The following HNRNPF variants were observed in gnomAD, a reference collection of about 807,000 sequenced individuals.
The protein encoded by HNRNPF is HnRNP F protein.
HNRNPF carries 2 observed loss-of-function variants against 26.0 expected under a neutral mutation model. That is an observed-to-expected ratio of 0.08 (90% confidence interval 0.03 to 0.24). HNRNPF has a LOEUF of 0.24. Ranked by LOEUF, HNRNPF falls within the 10% of genes least tolerant of loss-of-function variation. The probability of loss-of-function intolerance (pLI) is 1.00; values close to 1 mark genes in which losing one functional copy is unlikely to be tolerated. For missense variants in HNRNPF, 299 were observed against 539.2 expected, an observed-to-expected ratio of 0.55 and a Z score of 4.41; for synonymous variants, 234 against 211.5, an observed-to-expected ratio of 1.11 and a Z score of -0.92.
At chr10:43,408,500 GC>G (rs1428490181) in intron 1 of HNRNPF, among the ~76,000 whole-genome samples, 1 of 152,154 alleles carries the variant, frequency 6.6e-6, no homozygotes, top group Non-Finnish European at 1.5e-5. Context: ...CAGGTTTGCG[GC>G]GCTTAAACTC....
At chr10:43,402,435 G>C (rs1473168574) in intron 1 of HNRNPF, among the ~76,000 whole-genome samples, 1 of 152,052 alleles carries the variant, frequency 6.6e-6, no homozygotes, top group Non-Finnish European at 1.5e-5. Context: ...TCTCCTTCTG[G>C]AATTCCTACT....
At chr10:43,401,818 A>G (rs1256288989) in intron 1 of HNRNPF, among the ~76,000 whole-genome samples, 1 of 152,142 alleles carries the variant, frequency 6.6e-6, no homozygotes, top group Non-Finnish European at 1.5e-5. Context: ...TGGGATGGGA[A>G]TTCTTCCTGA....
chr10:43,395,911 AG>A (rs1255930111), intron 2 of HNRNPF, among the ~76,000 whole-genome samples: 4 of 152,204 alleles, frequency 2.6e-5, no homozygotes, highest in Admixed American at 1.3e-4. Flanking sequence ...ACGCACGCAG[AG>A]GAAGAGTCTG....
At chr10:43,395,102 C>A (rs1005893809) in intron 2 of HNRNPF, among the ~76,000 whole-genome samples, 1 of 151,380 alleles carries the variant, frequency 6.6e-6, no homozygotes, top group Non-Finnish European at 1.5e-5. Flanking sequence ...ACACTGAGGA[C>A]CCTAAGTGCT....
Position 43,404,704 on chromosome 10 carries a change from C to CA in HNRNPF, c.-247+4426_-247+4427insT, listed in dbSNP as rs564303799. ...GATACTCCGTCTCTACTAAAAATAC[C>CA]CCTGTAATCCCAGTTACTCAGGAGG... On this transcript the variant is annotated intron_variant, in intron 1 of 3. Coordinates refer to ENST00000682386, the MANE Select transcript of HNRNPF (RefSeq NM_001098204.2). Among the ~76,000 whole-genome samples the CA allele has an allele frequency of 1.8e-3, 278 of 151,794 alleles. 1 individual carries two copies. Among genetic ancestry groups the CA allele is most frequent in the South Asian group, 5.2e-3 (25 of 4,796 alleles).
chr10:43,407,268 C>T (rs992744638), intron 1 of HNRNPF, among the ~76,000 whole-genome samples: 3 of 151,576 alleles, frequency 2.0e-5, no homozygotes, highest in African/African-American at 7.2e-5. Flanking sequence ...CAGCCGCCAG[C>T]GCGCGCCTCG....
At chr10:43,395,915 A>C (rs551184889) in intron 2 of HNRNPF, among the ~76,000 whole-genome samples, 3 of 152,154 alleles carry the variant, frequency 2.0e-5, no homozygotes, top group Admixed American at 2.0e-4. Flanking sequence ...ACGCAGAGGA[A>C]GAGTCTGGTC....
chr10:43,407,115 T>G (rs1314946715), intron 1 of HNRNPF, among the ~76,000 whole-genome samples: 1 of 152,030 alleles, frequency 6.6e-6, no homozygotes, highest in East Asian at 1.9e-4. Flanking sequence ...TTTGGAAGAA[T>G]TAAGATGACT....
At chr10:43,405,089 C>G (rs1298342334) in intron 1 of HNRNPF, among the ~76,000 whole-genome samples, 1 of 152,146 alleles carries the variant, frequency 6.6e-6, no homozygotes, top group African/African-American at 2.4e-5. Context: ...TGGATTTTGA[C>G]AAGTTCACAG....
chr10:43,408,212 G>A (rs1311353785), intron 1 of HNRNPF, among the ~76,000 whole-genome samples: 2 of 152,178 alleles, frequency 1.3e-5, no homozygotes, highest in African/African-American at 4.8e-5. Context: ...CACTTTCAGA[G>A]CCCTCCGGCA....
chr10:43,393,463 C>T lies in HNRNPF; in HGVS notation c.-53+1167G>A, dbSNP rs553079465. Among the ~76,000 whole-genome samples the T allele has an allele frequency of 9.6e-4, 146 of 152,136 alleles. 1 individual carries two copies. Among genetic ancestry groups the T allele is most frequent in the Middle Eastern group, 3.4e-3 (1 of 294 alleles). On this transcript the variant is annotated intron_variant, in intron 3 of 3. Coordinates refer to ENST00000682386, the MANE Select transcript of HNRNPF (RefSeq NM_001098204.2). ...ATACAAAATTAGCCAGGCGTGGTGG[C>T]GCATGCCTATAATCCCAGCTACTCA...
At chr10:43,394,299 T>A (rs1240528496) in intron 3 of HNRNPF, among the ~76,000 whole-genome samples, 2 of 152,262 alleles carry the variant, frequency 1.3e-5, no homozygotes, top group East Asian at 3.8e-4. Context: ...ATCTTTTACA[T>A]GTCATAAGTG....
At chr10:43,403,072 T>C (rs1838802465) in intron 1 of HNRNPF, among the ~76,000 whole-genome samples, 1 of 152,206 alleles carries the variant, frequency 6.6e-6, no homozygotes, top group Non-Finnish European at 1.5e-5. Flanking sequence ...CTTGAACTCC[T>C]GAGCTCAAAC....
At chr10:43,408,300 A>G (rs1166357539) in intron 1 of HNRNPF, among the ~76,000 whole-genome samples, 1 of 151,690 alleles carries the variant, frequency 6.6e-6, no homozygotes, top group Non-Finnish European at 1.5e-5. Context: ...TGACTCCAAA[A>G]TCTCAGCCCG....
intron 1 of HNRNPF, 126 bp from the exon 2 acceptor site, chr10:43,396,716 C>A (rs1009551514): frequency 6.6e-6 from 1 of 152,088 alleles, no homozygotes; most frequent in African/African-American, 2.4e-5. Context: ...GACGTTCCCG[C>A]GGCCTGCTCA....
intron 1 of HNRNPF, among the ~76,000 whole-genome samples, chr10:43,407,473 G>A (rs1034138794): frequency 2.0e-5 from 3 of 152,100 alleles, no homozygotes; most frequent in Non-Finnish European, 4.4e-5. Context: ...TCCCGCGCCC[G>A]GGGCGGCCTT....
At chr10:43,391,126 G>T (rs375994395) in intron 3 of HNRNPF, among the ~76,000 whole-genome samples, 7 of 151,858 alleles carry the variant, frequency 4.6e-5, no homozygotes, top group African/African-American at 1.5e-4. Context: ...CCTCTGTCTC[G>T]ACTAAAAATA....
In HNRNPF at chr10:43,387,391, G is replaced by A. The variant is rs1212173352; in HGVS notation, c.494C>T (p.Ala165Val). 1 of 1,614,170 alleles carries A rather than the reference G, an allele frequency of 6.2e-7. No homozygotes were observed. Among genetic ancestry groups the A allele is most frequent in the Non-Finnish European group, 8.5e-7 (1 of 1,180,030 alleles). Residue 165 changes from alanine (A) to valine (V), a missense_variant, in exon 4 of 4, where the codon GCT becomes GTT. Ala to Val is a moderately conservative substitution (Grantham distance 64, BLOSUM62 0). Coordinates refer to ENST00000682386, the MANE Select transcript of HNRNPF (RefSeq NM_001098204.2). This position sits in a 1 kb window ranked among gnomAD's most constrained non-coding sequence, Gnocchi z 6.0. ...CTTGTGTTTCCCTAGAGCCTTCTCA[G>A]CTAACTCCTGCGAGGCAAACTGCAC... Reference protein sequence around the residue: ...AFVQFASQELAEKALGKHKER... With the variant: ...AFVQFASQELVEKALGKHKER...
At chr10:43,394,424 T>C (rs1429153278) in intron 3 of HNRNPF, among the ~76,000 whole-genome samples, 3 of 152,222 alleles carry the variant, frequency 2.0e-5, no homozygotes, top group Non-Finnish European at 4.4e-5. Flanking sequence ...TGCTTATTTT[T>C]ACTCCAGAAT....
Sources: gnomAD v4.1 joint callset for allele counts (sites outside exome capture counted in the v4.1 genomes callset) on GRCh38, gnomAD v4.1.1 for gene constraint, Gnocchi (gnomAD v3.1) non-coding constraint, MANE v1.5 for transcripts, NCBI Gene and HGNC (gene_info 2026-07-23, HGNC 2026-07-21) for gene names.